Variants in PNPLA3 observed in about 807,000 individuals in gnomAD.
PNPLA3 encodes patatin like domain 3, 1-acylglycerol-3-phosphate O-acyltransferase, also known as 1-acylglycerol-3-phosphate O-acyltransferase PNPLA3.
In PNPLA3, 42 loss-of-function variants were observed where a neutral mutation model predicts 43.1. The ratio of observed to expected loss-of-function variants is 0.97; its 90% CI spans 0.76 to 1.26. PNPLA3 has a LOEUF of 1.26. Ranked by LOEUF, PNPLA3 falls within the 50% of genes most tolerant of loss-of-function variation. The pLI is 0.00. For missense variants in PNPLA3, 647 were observed against 621.4 expected (o/e 1.04, Z -0.44); for synonymous variants, 272 against 253.6 (o/e 1.07, Z -0.69).
intron 1 of PNPLA3, among the ~76,000 whole-genome samples, chr22:43,925,179 T>A (rs1398332155): frequency 1.3e-5 from 2 of 152,132 alleles, no homozygotes; most frequent in African/African-American, 4.8e-5. Context: ...TAGTTTCCAC[T>A]GACCTAGGCC....
intron 2 of PNPLA3, among the ~76,000 whole-genome samples, chr22:43,927,790 G>A (rs887303116): frequency 2.6e-5 from 4 of 152,122 alleles, no homozygotes; most frequent in African/African-American, 9.7e-5. Flanking sequence ...TGTACTTTTT[G>A]TAGAGACGGG....
chr22:43,923,906 G>A lies in PNPLA3; in HGVS notation c.-6G>A. The A allele has an allele frequency of 6.6e-7, 1 of 1,522,092 alleles. No individual in the cohort carries two copies. The highest frequency in any genetic ancestry group is 2.6e-5 in the East Asian group (1 of 38,794). The allele number at this position is 1,522,092 out of a possible 1,614,324, so 94.3% of individuals were successfully genotyped here. A position where few individuals can be genotyped will look rare whatever the true frequency, so the allele number is the denominator to read the frequency against. The stretch of plus-strand genomic sequence containing the variant: ...TAACCCGCGCCCCCGCCCCGCCGCC[G>A]CCGCCATGTACGACGCAGAGCGCGG... On this transcript the variant is annotated 5_prime_UTR_variant, in exon 1 of 9. Coordinates refer to ENST00000216180, the MANE Select transcript of PNPLA3 (RefSeq NM_025225.3).
In PNPLA3 at chr22:43,932,922, T is replaced by C. The variant is rs2049970744; in HGVS notation, c.531T>C (p.Asp177=). 1 of 1,614,114 alleles carries C rather than the reference T, an allele frequency of 6.2e-7. No homozygotes were observed. Among genetic ancestry groups the C allele is most frequent in the African/African-American group, 1.3e-5 (1 of 74,938 alleles). The change falls in exon 4 of 9, where the codon GAT becomes GAC. Residue 177 remains aspartate, a synonymous_variant. Coordinates refer to ENST00000216180, the MANE Select transcript of PNPLA3 (RefSeq NM_025225.3). ...TGAGTGACAACGTACCCTTCATTGATGCCAAAACAACCATCACCGTGTCCC... is the reference window on the plus strand; with the variant it reads ...TGAGTGACAACGTACCCTTCATTGACGCCAAAACAACCATCACCGTGTCCC... ...GGVSDNVPFI[D]AKTTITVSPF... is the part of the protein sequence containing the mutation.
intron 7 of PNPLA3, among the ~76,000 whole-genome samples, chr22:43,942,519 G>T (rs1479525777): frequency 6.6e-6 from 1 of 151,938 alleles, no homozygotes. Flanking sequence ...GTGCTCTTAG[G>T]ACTGTCTTTT....
chr22:43,939,604 C>T (rs1316733234), intron 6 of PNPLA3, among the ~76,000 whole-genome samples: 2 of 152,122 alleles, frequency 1.3e-5, no homozygotes, highest in African/African-American at 2.4e-5. Flanking sequence ...CACCTGAGGT[C>T]AGGAGTTCAA....
chr22:43,940,099 G>A lies in PNPLA3; in HGVS notation c.1086G>A (p.Val362=). The A allele has an allele frequency of 6.2e-7, 1 of 1,614,144 alleles. No homozygotes were observed. Among genetic ancestry groups the A allele is most frequent in the Non-Finnish European group, 8.5e-7 (1 of 1,180,016 alleles). Residue 362 remains valine, a synonymous_variant, in exon 7 of 9, where the codon GTG becomes GTA. Transcript: ENST00000216180. ...SYVMLPCTLP[V]ESAIAIVQRL... Reference sequence around the variant, plus strand: ...TAATGCTGCCCTGTACCCTGCCTGTGGAATCTGCCATTGCGATTGTCCAGA... The same window carrying A: ...TAATGCTGCCCTGTACCCTGCCTGTAGAATCTGCCATTGCGATTGTCCAGA...
At chr22:43,927,188 G>A (rs376335276) in intron 2 of PNPLA3, 21 bp downstream of exon 2, 3 of 1,607,414 alleles carry the variant, frequency 1.9e-6, no homozygotes, top group South Asian at 2.2e-5. Context: ...TGCTTATCTG[G>A]ACGTTGTCAA....
chr22:43,946,070 C>T (rs1011571333), intron 8 of PNPLA3, 84 bp from the exon 9 acceptor site: 21 of 1,300,584 alleles, frequency 1.6e-5, no homozygotes, highest in South Asian at 6.3e-5. Context: ...CTCTACTGGC[C>T]GGCAATGTGG....
chr22:43,946,893 A>T lies in PNPLA3; in HGVS notation c.*511A>T, dbSNP rs192591729. The T allele has an allele frequency of 8.1e-5, 27 of 331,888 alleles. No homozygotes were observed. In the East Asian group the frequency reaches 2.2e-3, roughly 27 times the overall value. The allele number at this position is 331,888 out of a possible 1,614,324, so 20.6% of individuals were successfully genotyped here. A position where few individuals can be genotyped will look rare whatever the true frequency, so the allele number is the denominator to read the frequency against. On this transcript the variant is annotated 3_prime_UTR_variant, in exon 9 of 9. Transcript: ENST00000216180. ...AAGATGATAACCTTGACTACTAAAA[A>T]CGTCTCCATGGCGGGGGTAACAAGA...
chr22:43,932,753 C>A (rs1178370268), intron 3 of PNPLA3, 125 bp from the exon 4 acceptor site: 1 of 791,238 alleles, frequency 1.3e-6, no homozygotes, highest in Non-Finnish European at 2.1e-6. Context: ...AAGCCAATGT[C>A]CTCCCTCCAT....
At chr22:43,943,538 G>A (rs1056417567) in intron 7 of PNPLA3, among the ~76,000 whole-genome samples, 1 of 152,122 alleles carries the variant, frequency 6.6e-6, no homozygotes, top group African/African-American at 2.4e-5. Context: ...CCTTCTGCCT[G>A]GGGTCCAGTA....
Position 43,937,223 on chromosome 22 carries a change from G to A in PNPLA3, c.930G>A (p.Leu310=), listed in dbSNP as rs767762968. ...TAGACCACCTGCGTCTCAGCATCCT[G>A]CCCTGGGATGAGAGCATCCTGGACA... is the stretch of plus-strand genomic sequence containing the variant. ...ELLDHLRLSI[L]PWDESILDTL... is the part of the protein sequence containing the mutation. Residue 310 remains leucine, a synonymous_variant, in exon 6 of 9, where the codon CTG becomes CTA. Transcript: ENST00000216180. 30 of 1,613,984 alleles carry A rather than the reference G, an allele frequency of 1.9e-5. No individual in the cohort carries two copies.
At chr22:43,940,686 G>A (rs554618011) in intron 7 of PNPLA3, among the ~76,000 whole-genome samples, 1 of 152,110 alleles carries the variant, frequency 6.6e-6, no homozygotes, top group African/African-American at 2.4e-5. Context: ...GCACGTGCCT[G>A]TACTCCCAGC....
rs561621169 is a variant in PNPLA3 at position 43,927,248 on chromosome 22, C to T, written c.420+81C>T. On this transcript the variant is annotated intron_variant, in intron 2 of 8. Coordinates refer to ENST00000216180, the MANE Select transcript of PNPLA3 (RefSeq NM_025225.3). Reference sequence around the variant, plus strand: ...GTGTGGTGGCTCATGCCTGTCATCCCGGCACTTTGGGAGGCCGAAGCGGGT... The same window carrying T: ...GTGTGGTGGCTCATGCCTGTCATCCTGGCACTTTGGGAGGCCGAAGCGGGT... 9.7e-5 allele frequency: 132 copies of T among 1,364,664 alleles called. 2 individuals are homozygous for T. In the South Asian group the frequency reaches 1.3e-3, roughly 14 times the overall value. 84.5% of individuals were successfully genotyped at this position (1,364,664 alleles called of 1,614,324 possible).
rs1468711922 is a variant in PNPLA3 at position 43,946,155 on chromosome 22, T to A, written c.1219T>A (p.Ser407Thr). ...GCCAACTTCCTCCATGTGTTTCAGGTCCCAAATGCCAGTGAGCAGCCAACA... is the reference window on the plus strand; with the variant it reads ...GCCAACTTCCTCCATGTGTTTCAGGACCCAAATGCCAGTGAGCAGCCAACA... ...VLMCLLPASRSQMPVSSQQAS... is the reference protein window; with the variant it reads ...VLMCLLPASRTQMPVSSQQAS... Residue 407 changes from serine to threonine, a missense_variant and splice_region_variant, in exon 9 of 9, where the codon TCC becomes ACC. Ser to Thr is a moderately conservative substitution (Grantham distance 58, BLOSUM62 1). Coordinates refer to ENST00000216180, the MANE Select transcript of PNPLA3 (RefSeq NM_025225.3). 1 of 1,612,164 alleles carries A rather than the reference T, an allele frequency of 6.2e-7. No homozygotes were observed. Among genetic ancestry groups the A allele is most frequent in the Admixed American group, 1.7e-5 (1 of 59,984 alleles).
In PNPLA3 at chr22:43,928,928, C is replaced by T. The variant is rs774187404; in HGVS notation, c.486+39C>T. ...CTCTGCTAGCGCTGAGTCCTGGGGG[C>T]CTCTGAAGTGTGCTCACACATCTCC... On this transcript the variant is annotated intron_variant, in intron 3 of 8. Transcript: ENST00000216180. 1.9e-6 allele frequency: 3 copies of T among 1,561,544 alleles called. No individual in the cohort carries two copies. The Admixed American group carries it at 5.0e-5, about 26-fold the overall frequency.
Position 43,926,982 on chromosome 22 carries a change from C to A in PNPLA3, c.235C>A (p.Arg79=). Residue 79 remains arginine (R), a synonymous_variant, in exon 2 of 9, where the codon CGG becomes AGG. Coordinates refer to ENST00000216180, the MANE Select transcript of PNPLA3 (RefSeq NM_025225.3). ...AGATCTTGTGCGGAAGGCCAGGAGT[C>A]GGAACATTGGCATCTTCCATCCATC... The part of the protein sequence containing the change: ...LSDLVRKARS[R]NIGIFHPSFN... 6.2e-7 allele frequency: 1 copy of A among 1,614,192 alleles called. No homozygotes were observed. The highest frequency in any genetic ancestry group is 1.3e-5 in the African/African-American group (1 of 75,058).
At chr22:43,938,718 A>G (rs2050012112) in intron 6 of PNPLA3, among the ~76,000 whole-genome samples, 1 of 152,216 alleles carries the variant, frequency 6.6e-6, no homozygotes, top group African/African-American at 2.4e-5. Context: ...AGATGTGGGC[A>G]GGGACACAGA....
At chr22:43,940,809 CAAAAT>C (rs755334679) in intron 7 of PNPLA3, among the ~76,000 whole-genome samples, 19 of 150,790 alleles carry the variant, frequency 1.3e-4, no homozygotes, top group Non-Finnish European at 2.4e-4. Context: ...AACCCTATCT[CAAAAT>C]AAAATGAAAG....
Sources: allele counts gnomAD v4.1 joint callset (sites outside exome capture counted in the v4.1 genomes callset), GRCh38; gene constraint gnomAD v4.1.1; transcripts MANE v1.5; gene names NCBI Gene and HGNC (gene_info 2026-07-23, HGNC 2026-07-21).